Variants in RELN observed in about 807,000 individuals in gnomAD.
RELN encodes the protein reelin.
Under a neutral mutation model 427.6 loss-of-function variants are expected in RELN, and 108 were observed. The observed-to-expected ratio is 0.25, with a 90% CI of 0.22 to 0.30. The LOEUF (loss-of-function observed/expected upper bound fraction) is 0.30, where lower values mean the gene tolerates loss of function less well. Among genes scored for constraint, RELN ranks in the 10% least tolerant of loss-of-function variants. RELN has a pLI of 1.00. For synonymous variants in RELN, 1,524 were observed against 1,513.4 expected, an observed-to-expected ratio of 1.01 and a Z score of -0.16; for missense variants, 3,715 against 4,302.8, an observed-to-expected ratio of 0.86 and a Z score of 3.82.
chr7:103,891,428 T>C (rs1172469032), intron 2 of RELN, among the ~76,000 whole-genome samples: 1 of 152,138 alleles, frequency 6.6e-6, no homozygotes, highest in African/African-American at 2.4e-5. Flanking sequence ...TTCCAATGAG[T>C]GCACAATGAC....
intron 1 of RELN, among the ~76,000 whole-genome samples, chr7:103,919,407 G>C (rs1795563814): frequency 6.6e-6 from 1 of 152,008 alleles, no homozygotes; most frequent in Non-Finnish European, 1.5e-5. Context: ...TCACACCAAG[G>C]AACTTCGACT....
At chr7:103,809,938 T>G (rs545597152) in intron 3 of RELN, among the ~76,000 whole-genome samples, 8 of 152,310 alleles carry the variant, frequency 5.3e-5, no homozygotes, top group African/African-American at 1.4e-4. Flanking sequence ...GAGACTCATA[T>G]TTTTTAACCC....
In RELN at chr7:103,502,484, GTTT is replaced by G. The variant is rs1829065896; in HGVS notation, c.8489+529_8489+531del. On this transcript the variant is annotated intron_variant, in intron 52 of 64. Coordinates refer to ENST00000428762, the MANE Select transcript of RELN (RefSeq NM_005045.4). Reference sequence around the variant, plus strand: ...ATATCCACAGACTTTGCAGAGCAAGGTTTAATCACCTCTGCTCATCACTGGTCC... The same window carrying G: ...ATATCCACAGACTTTGCAGAGCAAGGAATCACCTCTGCTCATCACTGGTCC... Among the ~76,000 whole-genome samples, 19 of 152,292 alleles carry G rather than the reference GTTT, an allele frequency of 1.2e-4. 1 individual carries two copies. The highest frequency in any genetic ancestry group is 7.2e-4 in the Admixed American group (11 of 15,294).
chr7:103,856,569 C>CAAA (rs34695080), intron 2 of RELN, among the ~76,000 whole-genome samples: 84 of 80,308 alleles, frequency 1.0e-3, no homozygotes, highest in African/African-American at 3.9e-3. Flanking sequence ...AACTCCACCT[C>CAAA]AAAAAAAAAA....
At chr7:103,589,222 T>C (rs1259519821) in intron 28 of RELN, among the ~76,000 whole-genome samples, 1 of 152,198 alleles carries the variant, frequency 6.6e-6, no homozygotes, top group Non-Finnish European at 1.5e-5. Flanking sequence ...GATGGCCACA[T>C]TTATAAAGCT....
intron 27 of RELN, among the ~76,000 whole-genome samples, chr7:103,592,878 A>G (rs362631): frequency 0.16 from 25,030 of 152,206 alleles, 2,216 homozygotes; most frequent in Middle Eastern, 0.33. Context: ...TTAGCATCAG[A>G]ATCTAAACAA....
At chr7:103,830,312 GAAAAC>G (rs1793245447) in intron 3 of RELN, among the ~76,000 whole-genome samples, 1 of 151,774 alleles carries the variant, frequency 6.6e-6, no homozygotes, top group Non-Finnish European at 1.5e-5. Flanking sequence ...GTTAGTAAAA[GAAAAC>G]AAGCATGTGG....
In RELN at chr7:103,917,104, C is replaced by T. The variant is rs1262612058; in HGVS notation, c.308G>A (p.Ser103Asn). 3 of 1,613,640 alleles carry T rather than the reference C, an allele frequency of 1.9e-6. No individual in the cohort carries two copies. The highest frequency in any genetic ancestry group is 1.7e-5 in the Admixed American group (1 of 59,952). ...YTSTSVQASQ[S>N]IGGSSAFGFG... Reference sequence around the variant, plus strand: ...TCCGAAAGCACTGGAACCTCCAATGCTCTGTGATGCCTGAACACTTGTAGA... The same window carrying T: ...TCCGAAAGCACTGGAACCTCCAATGTTCTGTGATGCCTGAACACTTGTAGA... Residue 103 changes from serine to asparagine, a missense_variant, in exon 2 of 65, where the codon AGC becomes AAC. Ser to Asn is a conservative substitution (Grantham distance 46). This residue lies in a region of RELN where 2,208 missense variants were observed against 2,361.7 expected (regional missense o/e 0.93). Coordinates refer to ENST00000428762, the MANE Select transcript of RELN (RefSeq NM_005045.4).
At chr7:103,641,937 A>G (rs1352981663) in intron 16 of RELN, among the ~76,000 whole-genome samples, 1 of 152,222 alleles carries the variant, frequency 6.6e-6, no homozygotes, top group Non-Finnish European at 1.5e-5. Context: ...AGCCTCCATC[A>G]TGAAAAATTC....
At chr7:103,948,559 G>A (rs1044136715) in intron 1 of RELN, among the ~76,000 whole-genome samples, 15 of 152,136 alleles carry the variant, frequency 9.9e-5, no homozygotes, top group Non-Finnish European at 1.9e-4. Flanking sequence ...TGCAGTCCCA[G>A]CTACTCGGGA....
At chr7:103,494,700 C>T (rs1406051117) in intron 57 of RELN, among the ~76,000 whole-genome samples, 1 of 151,754 alleles carries the variant, frequency 6.6e-6, no homozygotes, top group Non-Finnish European at 1.5e-5. Flanking sequence ...TATTGCTTTG[C>T]CTTTCTCTGA....
At chr7:103,497,758 G>A (rs1828882966) in intron 55 of RELN, 62 bp downstream of exon 55, 1 of 1,325,110 alleles carries the variant, frequency 7.5e-7, no homozygotes. Context: ...AGACTTTTCT[G>A]AGGGTGTTGG....
intron 43 of RELN, among the ~76,000 whole-genome samples, chr7:103,542,411 A>G (rs1830194042): frequency 6.6e-6 from 1 of 152,248 alleles, no homozygotes; most frequent in Admixed American, 6.5e-5. Context: ...AGAAAGATAA[A>G]GAAGACACAA....
intron 2 of RELN, among the ~76,000 whole-genome samples, chr7:103,890,347 G>A (rs918243220): frequency 2.0e-5 from 3 of 152,152 alleles, no homozygotes; most frequent in Admixed American, 2.0e-4. Flanking sequence ...GCAGGGCCAC[G>A]GAGCAGTAGT....
chr7:103,628,392 A>G (rs1212541700), intron 20 of RELN: 1 of 152,292 alleles, frequency 6.6e-6, no homozygotes. Context: ...GAAAAACAAA[A>G]CAAAACAAAA....
rs150905691 is a variant in RELN, at chr7:103,626,588, G to A, written c.2702+3352C>T. 3.9e-3 allele frequency among the ~76,000 whole-genome samples: 590 copies of A among 152,240 alleles called. 6 individuals are homozygous for A. Among genetic ancestry groups the A allele is most frequent in the African/African-American group, 0.014 (564 of 41,576 alleles). On this transcript the variant is annotated intron_variant, in intron 20 of 64. Coordinates refer to ENST00000428762, the MANE Select transcript of RELN (RefSeq NM_005045.4). This position sits in a 1 kb window ranked among gnomAD's most constrained non-coding sequence, Gnocchi z 4.4. ...CTGGTCTTTGAATTCCTGGCCTCAG[G>A]TGATCCGCCCACCTTGGCCTCCAAA...
intron 49 of RELN, among the ~76,000 whole-genome samples, chr7:103,519,088 C>T (rs1044444480): frequency 6.6e-6 from 1 of 152,010 alleles, no homozygotes; most frequent in Non-Finnish European, 1.5e-5. Context: ...GTTTATTCAC[C>T]GTTGGCATTG....
At chr7:103,683,050 A>T (rs897153162) in intron 10 of RELN, among the ~76,000 whole-genome samples, 2 of 152,168 alleles carry the variant, frequency 1.3e-5, no homozygotes, top group African/African-American at 2.4e-5. Context: ...AATAAGTCAT[A>T]TATAGAGAGA....
intron 4 of RELN, among the ~76,000 whole-genome samples, chr7:103,758,553 C>T (rs1224961099): frequency 6.6e-6 from 1 of 151,428 alleles, no homozygotes; most frequent in Non-Finnish European, 1.5e-5. Context: ...TTAAAACTAT[C>T]AATACAAATT....
Sources: gnomAD v4.1 joint callset for allele counts (sites outside exome capture counted in the v4.1 genomes callset) on GRCh38, gnomAD v4.1.1 for gene constraint, gnomAD v4.1.1 regional missense constraint, Gnocchi (gnomAD v3.1) non-coding constraint, MANE v1.5 for transcripts, NCBI Gene and HGNC (gene_info 2026-07-23, HGNC 2026-07-21) for gene names.